Variants in KDM4A observed in about 807,000 individuals in gnomAD.
KDM4A encodes lysine demethylase 4A.
In KDM4A, 23 loss-of-function variants were observed where a neutral mutation model predicts 127.1. That is an observed-to-expected ratio of 0.18 (90% CI 0.13 to 0.26). The LOEUF is 0.26. Among genes scored for constraint, KDM4A ranks in the 10% least tolerant of loss-of-function variants. KDM4A has a pLI of 1.00. For synonymous variants in KDM4A, 443 were observed against 466.5 expected, an observed-to-expected ratio of 0.95 and a Z score of 0.65; for missense variants, 890 against 1,329.1, an observed-to-expected ratio of 0.67 and a Z score of 5.14.
intron 7 of KDM4A, 48 bp downstream of exon 7, chr1:43,666,603 C>A (rs773357024): frequency 2.7e-6 from 4 of 1,473,728 alleles, no homozygotes; most frequent in Admixed American, 3.4e-5. Flanking sequence ...CCCTTTCTGG[C>A]CTTTGTTTTA....
chr1:43,691,619 A>C, intron 15 of KDM4A, 47 bp downstream of exon 15: 2 of 1,516,450 alleles, frequency 1.3e-6, no homozygotes. Context: ...GTCTTGGTGC[A>C]TATTCAGGGC....
rs1020010428 is a variant in KDM4A, at chr1:43,650,157, C to G, written c.-135C>G. 6.6e-6 allele frequency: 1 copy of G among 152,288 alleles called. No individual in the cohort carries two copies. The highest frequency in any genetic ancestry group is 2.4e-5 in the African/African-American group (1 of 41,454). 9.4% of individuals were successfully genotyped at this position (152,288 alleles called of 1,614,324 possible). A position where few individuals can be genotyped will look rare whatever the true frequency, so the allele number is the denominator to read the frequency against. On this transcript the variant is annotated 5_prime_UTR_variant, in exon 1 of 22. Coordinates refer to ENST00000372396, the MANE Select transcript of KDM4A (RefSeq NM_014663.3). ...GCGCAGATGCCGACTTTAGAGGAGG[C>G]GGAGTTTCGGCCTTCGCCTGCTGGA...
chr1:43,697,135 C>T (rs539292529), intron 18 of KDM4A, among the ~76,000 whole-genome samples: 1 of 152,182 alleles, frequency 6.6e-6, no homozygotes, highest in Non-Finnish European at 1.5e-5. Flanking sequence ...GAAGAACCAG[C>T]AGTGTCGAAG....
At chr1:43,674,183 T>A (rs1363431468) in intron 11 of KDM4A, among the ~76,000 whole-genome samples, 1 of 152,176 alleles carries the variant, frequency 6.6e-6, no homozygotes, top group Non-Finnish European at 1.5e-5. Flanking sequence ...GTTCAAGTGA[T>A]CCTCCTCCCT....
chr1:43,704,313 C>A lies in KDM4A; in HGVS notation c.3138C>A (p.Asn1046Lys). The A allele has an allele frequency of 6.2e-7, 1 of 1,614,058 alleles. No individual in the cohort carries two copies. The change falls in exon 22 of 22, where the codon AAC becomes AAA. Residue 1046 changes from asparagine (N) to lysine (K), a missense_variant. Physicochemically the swap from Asn to Lys is moderately conservative, Grantham distance 94. Coordinates refer to ENST00000372396, the MANE Select transcript of KDM4A (RefSeq NM_014663.3). ...KQEKKRQRVI[N>K]SRYREDYIEP... ...AAAAGAAACGGCAACGAGTTATCAA[C>A]TCAAGATACCGGGAAGATTATATTG...
intron 12 of KDM4A, among the ~76,000 whole-genome samples, chr1:43,686,594 C>T (rs762864303): frequency 6.6e-6 from 1 of 152,170 alleles, no homozygotes; most frequent in Admixed American, 6.5e-5. Flanking sequence ...GCTTCAGCCT[C>T]CCAAAGTGCT....
chr1:43,671,599 G>T lies in KDM4A; in HGVS notation c.1458G>T (p.Leu486Phe). Residue 486 changes from leucine (L) to phenylalanine (F), a missense_variant, in exon 11 of 22, where the codon TTG (leucine) becomes TTT (phenylalanine). By Grantham distance (22) the Leu-to-Phe change is conservative. Coordinates refer to ENST00000372396, the MANE Select transcript of KDM4A (RefSeq NM_014663.3). ...AGGAAGAACAAGCAGCAGCTGCCTT[G>T]GATCTTTCTGTGAATCCTGCGTCTG... ...DEEEEQAAAA[L>F]DLSVNPASVG... is the part of the protein sequence containing the mutation. 1 of 1,612,598 alleles carries T rather than the reference G, an allele frequency of 6.2e-7. No homozygotes were observed. The highest frequency in any genetic ancestry group is 8.5e-7 in the Non-Finnish European group (1 of 1,179,470).
intron 9 of KDM4A, 115 bp from the exon 10 acceptor site, chr1:43,668,985 C>G: frequency 1.9e-6 from 2 of 1,045,470 alleles, no homozygotes; most frequent in South Asian, 1.5e-5. Context: ...GAGTTTTGAG[C>G]CAGGCCTGAC....
At chr1:43,702,509 C>T (rs897793661) in intron 19 of KDM4A, 3 of 151,970 alleles carry the variant, frequency 2.0e-5, no homozygotes, top group Non-Finnish European at 4.4e-5. Flanking sequence ...ACTGCCCTGC[C>T]CCTCTCTCAT....
chr1:43,654,663 T>G (rs956213999), intron 2 of KDM4A, among the ~76,000 whole-genome samples: 1 of 151,890 alleles, frequency 6.6e-6, no homozygotes, highest in Non-Finnish European at 1.5e-5. Context: ...CGTATTTTCT[T>G]ATATGTCCTT....
At chr1:43,663,191 G>A in intron 5 of KDM4A, 104 bp downstream of exon 5, 1 of 985,332 alleles carries the variant, frequency 1.0e-6, no homozygotes, top group Non-Finnish European at 1.5e-6. Context: ...GGCAGACCCT[G>A]GTTCAGGCTT....
chr1:43,667,139 A>C lies in KDM4A; in HGVS notation c.915+48A>C, dbSNP rs1200227483. 3 of 1,606,630 alleles carry C rather than the reference A, an allele frequency of 1.9e-6. No homozygotes were observed. In the African/African-American group the frequency reaches 4.0e-5, roughly 22 times the overall value. ...TATAACACCATGACAAAAATGAGCA[A>C]ATTCTGGTTAGATACGTTGGCTGGT... is the stretch of plus-strand genomic sequence containing the variant. On this transcript the variant is annotated intron_variant, in intron 8 of 21. Transcript: ENST00000372396.
intron 11 of KDM4A, among the ~76,000 whole-genome samples, chr1:43,677,723 A>C (rs990181682): frequency 9.8e-5 from 15 of 152,326 alleles, no homozygotes; most frequent in Admixed American, 3.3e-4. Context: ...AGGAAGAAGG[A>C]GGCAAAATTA....
chr1:43,670,475 C>T (rs1378466327), intron 10 of KDM4A, among the ~76,000 whole-genome samples: 1 of 152,048 alleles, frequency 6.6e-6, no homozygotes, highest in Non-Finnish European at 1.5e-5. Flanking sequence ...TCACTGCAGC[C>T]TCAACTTTCT....
chr1:43,661,226 C>T (rs1377910473), intron 4 of KDM4A, among the ~76,000 whole-genome samples: 1 of 152,028 alleles, frequency 6.6e-6, no homozygotes, highest in African/African-American at 2.4e-5. Flanking sequence ...CCACCTGCCT[C>T]AGCCTCCCAA....
intron 3 of KDM4A, among the ~76,000 whole-genome samples, chr1:43,656,936 A>G (rs77727081): frequency 1.6e-3 from 239 of 151,498 alleles, no homozygotes; most frequent in Middle Eastern, 3.4e-3. Flanking sequence ...CACCGTCTCT[A>G]CTGTCACCCA....
intron 3 of KDM4A, 105 bp downstream of exon 3, chr1:43,655,871 C>A: frequency 2.2e-6 from 2 of 910,150 alleles, no homozygotes; most frequent in Non-Finnish European, 3.2e-6. Flanking sequence ...GTGTCTTCAG[C>A]AGGATGGCTC....
At chr1:43,679,056 G>A (rs1023609758) in intron 11 of KDM4A, among the ~76,000 whole-genome samples, 2 of 152,072 alleles carry the variant, frequency 1.3e-5, no homozygotes, top group African/African-American at 4.8e-5. Context: ...TCTGAGGGTC[G>A]CCTAGAGTAG....
At chr1:43,668,086 T>C (rs546865718) in intron 9 of KDM4A, 67 bp downstream of exon 9, 1 of 1,558,870 alleles carries the variant, frequency 6.4e-7, no homozygotes. Context: ...CTGTAATCTG[T>C]GGAGAGGCTG....
Sources: allele counts gnomAD v4.1 joint callset (sites outside exome capture counted in the v4.1 genomes callset), GRCh38; gene constraint gnomAD v4.1.1; transcripts MANE v1.5; gene names NCBI Gene and HGNC (gene_info 2026-07-23, HGNC 2026-07-21).